The following ROR1 variants were observed in gnomAD, a reference collection of about 807,000 sequenced individuals.
ROR1 encodes the protein ROR family WNT receptor 1.
ROR1 carries 19 observed loss-of-function variants against 78.8 expected under a neutral mutation model. The ratio of observed to expected loss-of-function variants is 0.24; its 90% CI spans 0.17 to 0.35. The LOEUF is 0.35. Ranked by LOEUF, ROR1 falls within the 10% of genes least tolerant of loss-of-function variation. The pLI is 1.00. For missense variants in ROR1, 917 were observed against 1,177.8 expected (o/e 0.78, Z 3.24); for synonymous variants, 386 against 433.6 (o/e 0.89, Z 1.36).
At chr1:63,793,481 A>C (rs116292863) in intron 1 of ROR1, among the ~76,000 whole-genome samples, 1 of 152,234 alleles carries the variant, frequency 6.6e-6, no homozygotes, top group Admixed American at 6.5e-5. Context: ...AAAATATCAC[A>C]TGTGCTCTGA....
rs1009201504 is a variant in ROR1, at chr1:64,165,214, A to G, written c.1386+6022A>G. Among the ~76,000 whole-genome samples the G allele has an allele frequency of 7.2e-5, 11 of 152,350 alleles. No individual in the cohort carries two copies. The East Asian group carries it at 2.1e-3, about 29-fold the overall frequency. ...TAATTTACACTCCCATCAACAGTGTATAAGCGTTCCTTTTTCTCTGCAACC... is the reference window on the plus strand; with the variant it reads ...TAATTTACACTCCCATCAACAGTGTGTAAGCGTTCCTTTTTCTCTGCAACC... On this transcript the variant is annotated intron_variant, in intron 8 of 8. Transcript: ENST00000371079.
Position 63,843,636 on chromosome 1 carries a change from A to G in ROR1, c.91+69128A>G, listed in dbSNP as rs1037557837. 50 of 612,760 alleles carry G rather than the reference A, an allele frequency of 8.2e-5. 1 individual carries two copies. The Middle Eastern group carries it at 3.5e-3, about 43-fold the overall frequency. The allele number at this position is 612,760 out of a possible 1,614,324, so 38.0% of individuals were successfully genotyped here. The stretch of plus-strand genomic sequence containing the variant: ...TGGCATTGAAGACTTATGCAACTTC[A>G]TGTCGTTGAACATGTTCATGACACC... On this transcript the variant is annotated intron_variant, in intron 1 of 8. Transcript: ENST00000371079.
chr1:63,842,485 G>A (rs557500231), intron 1 of ROR1, among the ~76,000 whole-genome samples: 17 of 152,158 alleles, frequency 1.1e-4, no homozygotes, highest in Admixed American at 4.6e-4. Context: ...CTTTTATATT[G>A]GGCAACAAAG....
intron 7 of ROR1, among the ~76,000 whole-genome samples, chr1:64,148,841 C>G (rs1170144852): frequency 6.6e-6 from 1 of 152,116 alleles, no homozygotes; most frequent in African/African-American, 2.4e-5. Flanking sequence ...TTCTCATCCT[C>G]CATGTCTTTT....
At chr1:63,829,711 G>A (rs952658534) in intron 1 of ROR1, among the ~76,000 whole-genome samples, 1 of 152,208 alleles carries the variant, frequency 6.6e-6, no homozygotes, top group East Asian at 1.9e-4. Flanking sequence ...TCGTGATATA[G>A]TCTGGGGACA....
At chr1:64,136,749 C>T (rs1487156983) in intron 4 of ROR1, among the ~76,000 whole-genome samples, 1 of 152,120 alleles carries the variant, frequency 6.6e-6, no homozygotes, top group Non-Finnish European at 1.5e-5. Flanking sequence ...TGAAAGCAAA[C>T]TTTCCATGGA....
chr1:64,022,334 T>C (rs755205811), intron 2 of ROR1, among the ~76,000 whole-genome samples: 12 of 152,230 alleles, frequency 7.9e-5, no homozygotes, highest in African/African-American at 1.9e-4. Context: ...TTGTACAACA[T>C]TGTCAGTATA....
chr1:64,139,427 T>C (rs1649230209), intron 5 of ROR1, among the ~76,000 whole-genome samples: 1 of 152,206 alleles, frequency 6.6e-6, no homozygotes, highest in Non-Finnish European at 1.5e-5. Context: ...GGTTTCCTTG[T>C]GAGGTGTAAG....
intron 1 of ROR1, among the ~76,000 whole-genome samples, chr1:63,807,425 C>T (rs1644836736): frequency 6.6e-6 from 1 of 152,170 alleles, no homozygotes; most frequent in Admixed American, 6.5e-5. Flanking sequence ...TGAAGGAGGA[C>T]TCTCACATGT....
chr1:64,027,797 C>T (rs1176261103), intron 2 of ROR1, among the ~76,000 whole-genome samples: 5 of 151,858 alleles, frequency 3.3e-5, no homozygotes, highest in Non-Finnish European at 7.4e-5. Flanking sequence ...AAGTGATTCT[C>T]CTGCCTCAGC....
intron 1 of ROR1, among the ~76,000 whole-genome samples, chr1:63,850,958 T>C (rs2100330350): frequency 6.6e-6 from 1 of 152,240 alleles, no homozygotes; most frequent in Non-Finnish European, 1.5e-5. Context: ...TGTGGTTTTT[T>C]GGTTTTTTGT....
chr1:64,005,780 A>T lies in ROR1; in HGVS notation c.92-3525A>T, dbSNP rs557906649. Among the ~76,000 whole-genome samples, 3 of 152,346 alleles carry T rather than the reference A, an allele frequency of 2.0e-5. No homozygotes were observed. The East Asian group carries it at 5.8e-4, about 29-fold the overall frequency. ...AAAATAATCAGCCTTTATTTTAAAAAAATATGGCCTTGGAAGATATTATTT... is the reference window on the plus strand; with the variant it reads ...AAAATAATCAGCCTTTATTTTAAAATAATATGGCCTTGGAAGATATTATTT... On this transcript the variant is annotated intron_variant, in intron 1 of 8. Coordinates refer to ENST00000371079, the MANE Select transcript of ROR1 (RefSeq NM_005012.4).
chr1:64,078,898 G>C (rs763962355), intron 4 of ROR1, among the ~76,000 whole-genome samples: 2 of 152,164 alleles, frequency 1.3e-5, no homozygotes, highest in Admixed American at 1.3e-4. Context: ...TGTTGAGTAC[G>C]ATGATGAGGT....
At chr1:64,039,261 T>C (rs1569602362) in intron 2 of ROR1, among the ~76,000 whole-genome samples, 1 of 152,186 alleles carries the variant, frequency 6.6e-6, no homozygotes, top group Non-Finnish European at 1.5e-5. Flanking sequence ...AACATGAAAC[T>C]GGAGTGTCAG....
intron 1 of ROR1, among the ~76,000 whole-genome samples, chr1:63,974,169 T>C (rs557896041): frequency 2.0e-5 from 3 of 152,322 alleles, no homozygotes; most frequent in African/African-American, 7.2e-5. Context: ...TTGCAAAGCA[T>C]TGAGATGAGT....
chr1:63,858,850 C>T (rs182645069), intron 1 of ROR1, among the ~76,000 whole-genome samples: 3 of 152,104 alleles, frequency 2.0e-5, no homozygotes, highest in South Asian at 2.1e-4. Context: ...GTGTACTACT[C>T]GGCACATAAA....
intron 6 of ROR1, among the ~76,000 whole-genome samples, chr1:64,141,244 T>TA (rs940731007): frequency 2.6e-4 from 40 of 152,188 alleles, no homozygotes; most frequent in South Asian, 2.1e-4. Flanking sequence ...GGGTAATTGA[T>TA]AAAAAAAGGA....
intron 1 of ROR1, among the ~76,000 whole-genome samples, chr1:63,959,574 G>A (rs1314245028): frequency 1.3e-5 from 2 of 152,196 alleles, no homozygotes; most frequent in Admixed American, 1.3e-4. Context: ...GGGAACCCCA[G>A]TGTAGCATTT....
At chr1:64,138,633 C>T (rs891627546) in intron 5 of ROR1, among the ~76,000 whole-genome samples, 1 of 151,184 alleles carries the variant, frequency 6.6e-6, no homozygotes, top group African/African-American at 2.4e-5. Flanking sequence ...GCAAGCTCTG[C>T]TTCCTAGGTT....
Sources: gnomAD v4.1 joint callset for allele counts (sites outside exome capture counted in the v4.1 genomes callset) on GRCh38, gnomAD v4.1.1 for gene constraint, MANE v1.5 for transcripts, NCBI Gene and HGNC (gene_info 2026-07-23, HGNC 2026-07-21) for gene names.